The following AGBL4 variants were observed in gnomAD, a reference collection of about 807,000 sequenced individuals.
AGBL4 encodes the protein AGBL carboxypeptidase 4.
Under a neutral mutation model 66.4 loss-of-function variants are expected in AGBL4, and 58 were observed. The ratio of observed to expected loss-of-function variants is 0.87; its 90% CI spans 0.71 to 1.09. The LOEUF (loss-of-function observed/expected upper bound fraction) is 1.09, where lower values mean the gene tolerates loss of function less well. AGBL4 is among the 50% of genes least tolerant of loss of function. The pLI is 0.00. For synonymous variants in AGBL4, 234 were observed against 222.9 expected, an observed-to-expected ratio of 1.05 and a Z score of -0.44; for missense variants, 579 against 631.0, an observed-to-expected ratio of 0.92 and a Z score of 0.88.
chr1:49,964,426 A>C lies in AGBL4; in HGVS notation c.34+59337T>G, dbSNP rs371574232. 2.6e-5 allele frequency among the ~76,000 whole-genome samples: 4 copies of C among 152,264 alleles called. 1 individual carries two copies. Among genetic ancestry groups the C allele is most frequent in the African/African-American group, 9.6e-5 (4 of 41,580 alleles). Reference sequence around the variant, plus strand: ...AACGTAGTACCTGAAGACCTGATCAAGATATTTAGCTAAAAGTAAGAGTAC... The same window carrying C: ...AACGTAGTACCTGAAGACCTGATCACGATATTTAGCTAAAAGTAAGAGTAC... On this transcript the variant is annotated intron_variant, in intron 1 of 13. Transcript: ENST00000371839.
intron 6 of AGBL4, among the ~76,000 whole-genome samples, chr1:48,807,851 G>A (rs1456414812): frequency 6.6e-6 from 1 of 151,958 alleles, no homozygotes; most frequent in Non-Finnish European, 1.5e-5. Context: ...TCTGGGCCAA[G>A]GAACTCAGCC....
At chr1:49,529,300 A>C (rs1321907368) in intron 3 of AGBL4, among the ~76,000 whole-genome samples, 1 of 152,174 alleles carries the variant, frequency 6.6e-6, no homozygotes, top group Non-Finnish European at 1.5e-5. Context: ...AAATTTGAAA[A>C]GACTATTTTA....
At chr1:48,720,995 A>C (rs778946369) in intron 6 of AGBL4, among the ~76,000 whole-genome samples, 15 of 151,532 alleles carry the variant, frequency 9.9e-5, no homozygotes, top group Non-Finnish European at 2.1e-4. Context: ...TTAATGATCT[A>C]AAAGAGGGAC....
intron 3 of AGBL4, among the ~76,000 whole-genome samples, chr1:49,341,837 G>A (rs943365971): frequency 2.2e-4 from 33 of 152,020 alleles, no homozygotes; most frequent in African/African-American, 7.7e-4. Flanking sequence ...TGAGCACCTC[G>A]CCTCCCTGAC....
At chr1:49,508,832 C>T (rs987183284) in intron 3 of AGBL4, among the ~76,000 whole-genome samples, 1 of 151,910 alleles carries the variant, frequency 6.6e-6, no homozygotes, top group Non-Finnish European at 1.5e-5. Flanking sequence ...TTTCTCCTGA[C>T]TGTGGGGATT....
At chr1:48,971,372 C>T (rs1420724808) in intron 5 of AGBL4, among the ~76,000 whole-genome samples, 1 of 152,058 alleles carries the variant, frequency 6.6e-6, no homozygotes, top group East Asian at 1.9e-4. Context: ...ATCTCCCCCT[C>T]CACCCCCAGT....
chr1:49,582,511 C>A (rs111887416), intron 3 of AGBL4, among the ~76,000 whole-genome samples: 3 of 152,288 alleles, frequency 2.0e-5, no homozygotes, highest in Non-Finnish European at 4.4e-5. Flanking sequence ...GCCTGCATAG[C>A]AACTCTCATC....
intron 2 of AGBL4, among the ~76,000 whole-genome samples, chr1:49,808,856 T>C (rs1478419421): frequency 6.6e-6 from 1 of 152,220 alleles, no homozygotes; most frequent in Non-Finnish European, 1.5e-5. Context: ...TTGTATATTA[T>C]GGTAATTTAC....
chr1:49,516,347 C>G (rs1033732090), intron 3 of AGBL4, among the ~76,000 whole-genome samples: 11 of 151,980 alleles, frequency 7.2e-5, no homozygotes, highest in Non-Finnish European at 1.5e-4. Flanking sequence ...AAGGGAGGTT[C>G]TCCAAAGAAG....
Position 49,230,766 on chromosome 1 carries a change from C to T in AGBL4, c.377+15004G>A, listed in dbSNP as rs962359045. Reference sequence around the variant, plus strand: ...GAGGTTATCCCTTCTATTTCAGTTACCTCTTCTTTCAATGACTGGGTTTTA... The same window carrying T: ...GAGGTTATCCCTTCTATTTCAGTTATCTCTTCTTTCAATGACTGGGTTTTA... On this transcript the variant is annotated intron_variant, in intron 4 of 13. Transcript: ENST00000371839. Among the ~76,000 whole-genome samples, 4 of 152,192 alleles carry T rather than the reference C, an allele frequency of 2.6e-5. No homozygotes were observed. The East Asian group carries it at 7.7e-4, about 29-fold the overall frequency.
chr1:49,924,628 G>T (rs781758350), intron 1 of AGBL4, among the ~76,000 whole-genome samples: 6 of 152,014 alleles, frequency 3.9e-5, no homozygotes, highest in Non-Finnish European at 7.4e-5. Context: ...TATAGTGCTT[G>T]CTATATGCCA....
intron 6 of AGBL4, among the ~76,000 whole-genome samples, chr1:48,667,316 TG>T (rs1434239852): frequency 2.6e-5 from 4 of 152,180 alleles, no homozygotes; most frequent in Admixed American, 2.6e-4. Flanking sequence ...GGCTCACCCT[TG>T]GGGAAGCCAA....
Position 48,759,408 on chromosome 1 carries a change from C to G in AGBL4, c.635-96167G>C. The G allele has an allele frequency of 5.0e-6, 7 of 1,410,784 alleles. No homozygotes were observed. In the South Asian group the frequency reaches 8.9e-5, roughly 18 times the overall value. The allele number at this position is 1,410,784 out of a possible 1,614,324, so 87.4% of individuals were successfully genotyped here. A position where few individuals can be genotyped will look rare whatever the true frequency, so the allele number is the denominator to read the frequency against. On this transcript the variant is annotated intron_variant, in intron 6 of 13. Coordinates refer to ENST00000371839, the MANE Select transcript of AGBL4 (RefSeq NM_032785.4). ...ACAGAACATCAGTGCTTGGAGAAACCTGTGCAAACACTTAGTCAAAGCCCT... is the reference window on the plus strand; with the variant it reads ...ACAGAACATCAGTGCTTGGAGAAACGTGTGCAAACACTTAGTCAAAGCCCT...
chr1:48,853,964 T>C (rs963854166), intron 6 of AGBL4, among the ~76,000 whole-genome samples: 3 of 152,160 alleles, frequency 2.0e-5, no homozygotes, highest in African/African-American at 7.2e-5. Context: ...TCAAACCTCA[T>C]TGTGCAGAAG....
chr1:48,829,954 G>C (rs1646512725), intron 6 of AGBL4, among the ~76,000 whole-genome samples: 1 of 152,146 alleles, frequency 6.6e-6, no homozygotes, highest in South Asian at 2.1e-4. Context: ...GAAAAAGAGA[G>C]AGTAGGGGAG....
chr1:48,590,460 G>GT (rs1443735740), intron 10 of AGBL4, among the ~76,000 whole-genome samples: 2 of 151,824 alleles, frequency 1.3e-5, no homozygotes, highest in Admixed American at 1.3e-4. Flanking sequence ...GGAGGCTGAG[G>GT]TGGGAGGATT....
intron 3 of AGBL4, among the ~76,000 whole-genome samples, chr1:49,611,989 T>C (rs1467195152): frequency 6.6e-6 from 1 of 152,144 alleles, no homozygotes; most frequent in African/African-American, 2.4e-5. Flanking sequence ...TGGAGAAAGA[T>C]GCCAGAAAAA....
At chr1:49,283,425 A>G (rs984750202) in intron 3 of AGBL4, among the ~76,000 whole-genome samples, 2 of 152,214 alleles carry the variant, frequency 1.3e-5, no homozygotes, top group African/African-American at 4.8e-5. Context: ...TGGGGAAAAA[A>G]CAGAACAGAA....
At chr1:49,581,210 AT>A (rs1248590242) in intron 3 of AGBL4, among the ~76,000 whole-genome samples, 1 of 152,108 alleles carries the variant, frequency 6.6e-6, no homozygotes, top group East Asian at 1.9e-4. Context: ...TAAAAAAGAT[AT>A]ATATTTCCTT....
Sources: allele counts gnomAD v4.1 joint callset (sites outside exome capture counted in the v4.1 genomes callset), GRCh38; gene constraint gnomAD v4.1.1; transcripts MANE v1.5; gene names NCBI Gene and HGNC (gene_info 2026-07-23, HGNC 2026-07-21).